NXNL2: variants seen among roughly 807,000 people sequenced by gnomAD.
NXNL2 encodes nucleoredoxin like 2, also known as nucleoredoxin-like protein 2.
A neutral mutation model predicts 11.1 loss-of-function variants in NXNL2; 7 were observed. That is an observed-to-expected ratio of 0.63 (90% CI 0.36 to 1.18). The LOEUF (loss-of-function observed/expected upper bound fraction) is 1.18, where lower values mean the gene tolerates loss of function less well. NXNL2 is among the 50% of genes most tolerant of loss of function. NXNL2 has a pLI of 0.02. For missense variants in NXNL2, 233 were observed against 217.7 expected, an observed-to-expected ratio of 1.07 and a Z score of -0.44; for synonymous variants, 109 against 101.8, an observed-to-expected ratio of 1.07 and a Z score of -0.42.
At chr9:88,559,788 G>A (rs543921246) in intron 1 of NXNL2, among the ~76,000 whole-genome samples, 4 of 152,116 alleles carry the variant, frequency 2.6e-5, no homozygotes, top group East Asian at 1.9e-4. Flanking sequence ...GAGTGTGTGT[G>A]TCCATCTTTC....
At chr9:88,557,582 G>T (rs1343387961) in intron 1 of NXNL2, among the ~76,000 whole-genome samples, 2 of 152,208 alleles carry the variant, frequency 1.3e-5, no homozygotes, top group African/African-American at 4.8e-5. Context: ...TTCAGGTGGA[G>T]TGGAGCCACC....
At chr9:88,537,720 G>A (rs1829659580) in intron 1 of NXNL2, among the ~76,000 whole-genome samples, 1 of 152,158 alleles carries the variant, frequency 6.6e-6, no homozygotes, top group Admixed American at 6.5e-5. Context: ...AACTCTCCGG[G>A]GGTTTCCTGA....
chr9:88,565,982 G>C (rs1037618160), intron 1 of NXNL2, among the ~76,000 whole-genome samples: 6 of 152,136 alleles, frequency 3.9e-5, no homozygotes, highest in African/African-American at 1.4e-4. Context: ...TATGTTTTTG[G>C]AGAAGTGCCT....
chr9:88,556,007 G>A (rs1407975869), intron 1 of NXNL2, among the ~76,000 whole-genome samples: 1 of 152,180 alleles, frequency 6.6e-6, no homozygotes, highest in Non-Finnish European at 1.5e-5. Flanking sequence ...TTCCACCTTG[G>A]GTGCTGGCAT....
At chr9:88,552,377 T>G (rs1398198897) in intron 1 of NXNL2, among the ~76,000 whole-genome samples, 2 of 152,222 alleles carry the variant, frequency 1.3e-5, no homozygotes, top group Non-Finnish European at 2.9e-5. Flanking sequence ...ATTTTATGTT[T>G]GTAATTTTAC....
At chr9:88,537,915 T>G (rs1417553045) in intron 1 of NXNL2, among the ~76,000 whole-genome samples, 1 of 151,930 alleles carries the variant, frequency 6.6e-6, no homozygotes, top group Non-Finnish European at 1.5e-5. Flanking sequence ...AACCCAGAAG[T>G]GTGGTTTATG....
At chr9:88,567,783 T>C (rs1236765784) in intron 1 of NXNL2, among the ~76,000 whole-genome samples, 3 of 152,204 alleles carry the variant, frequency 2.0e-5, no homozygotes, top group Non-Finnish European at 4.4e-5. Context: ...ACTTAAGTAC[T>C]TGGGCCTTTC....
chr9:88,540,201 G>A (rs913442165), intron 1 of NXNL2, among the ~76,000 whole-genome samples: 1 of 151,914 alleles, frequency 6.6e-6, no homozygotes, highest in Non-Finnish European at 1.5e-5. Context: ...GCATGGTGGC[G>A]GGCGCCTGTG....
chr9:88,581,550 G>A (rs1417537787), intron 1 of NXNL2, among the ~76,000 whole-genome samples: 2 of 152,050 alleles, frequency 1.3e-5, no homozygotes, highest in African/African-American at 4.8e-5. Context: ...CGATTCTCCC[G>A]CCTCAGCCGC....
chr9:88,544,749 TA>T lies in NXNL2; in HGVS notation c.*203del. On this transcript the variant is annotated 3_prime_UTR_variant, in exon 2 of 2. Transcript: ENST00000375854. Reference sequence around the variant, plus strand: ...TTTTGATCATGCAGGCTGTTTGTATTATAGTTATTTTTGTTATTCTTTGCAT... The same window carrying T: ...TTTTGATCATGCAGGCTGTTTGTATTTAGTTATTTTTGTTATTCTTTGCAT... 7.5e-7 allele frequency: 1 copy of T among 1,335,176 alleles called. No homozygotes were observed. Among genetic ancestry groups the T allele is most frequent in the Non-Finnish European group, 9.5e-7 (1 of 1,048,476 alleles). The allele number at this position is 1,335,176 out of a possible 1,614,324, so 82.7% of individuals were successfully genotyped here.
chr9:88,537,859 C>T (rs868587292), intron 1 of NXNL2, among the ~76,000 whole-genome samples: 2 of 152,186 alleles, frequency 1.3e-5, no homozygotes, highest in African/African-American at 2.4e-5. Flanking sequence ...TGGCCACAGC[C>T]TGCTCCTGGC....
At chr9:88,537,711 A>G (rs998394684) in intron 1 of NXNL2, among the ~76,000 whole-genome samples, 3 of 151,896 alleles carry the variant, frequency 2.0e-5, no homozygotes, top group African/African-American at 7.3e-5. Flanking sequence ...CCTTGCTCCA[A>G]CTCTCCGGGG....
chr9:88,568,178 ACTAT>A (rs1830206159), intron 1 of NXNL2, among the ~76,000 whole-genome samples: 1 of 152,244 alleles, frequency 6.6e-6, no homozygotes, highest in Non-Finnish European at 1.5e-5. Flanking sequence ...GGCACATGCA[ACTAT>A]CTGAGCACAA....
At chr9:88,542,254 C>A (rs1253563361) in intron 1 of NXNL2, among the ~76,000 whole-genome samples, 5 of 151,466 alleles carry the variant, frequency 3.3e-5, no homozygotes, top group Non-Finnish European at 7.4e-5. Context: ...AAACAAAAAA[C>A]AAAAAACAAA....
chr9:88,569,274 GC>G (rs1478644726), intron 1 of NXNL2, among the ~76,000 whole-genome samples: 1 of 152,196 alleles, frequency 6.6e-6, no homozygotes, highest in African/African-American at 2.4e-5. Flanking sequence ...AGTCTGCATG[GC>G]TTGTAACTTT....
At chr9:88,575,160 C>T (rs138826887) in exon 3 of NXNL2, 80 of 985,254 alleles carry the variant, frequency 8.1e-5, no homozygotes, top group Non-Finnish European at 9.3e-5. Flanking sequence ...CTGTTCTCCC[C>T]CCGCACCATC....
chr9:88,542,652 G>A (rs1759713097), intron 1 of NXNL2, among the ~76,000 whole-genome samples: 1 of 152,156 alleles, frequency 6.6e-6, no homozygotes, highest in South Asian at 2.1e-4. Context: ...TGATCTATAT[G>A]TTATTGACCA....
At chr9:88,537,664 T>G (rs1465635297) in intron 1 of NXNL2, among the ~76,000 whole-genome samples, 1 of 152,228 alleles carries the variant, frequency 6.6e-6, no homozygotes, top group Non-Finnish European at 1.5e-5. Flanking sequence ...CCCATCTGAT[T>G]GGCTCTTGGT....
intron 1 of NXNL2, among the ~76,000 whole-genome samples, chr9:88,553,370 A>C (rs1376561632): frequency 6.6e-6 from 1 of 151,996 alleles, no homozygotes; most frequent in African/African-American, 2.4e-5. Flanking sequence ...CAACAACAAC[A>C]ACAACAACAA....
Sources: gnomAD v4.1 joint callset for allele counts (sites outside exome capture counted in the v4.1 genomes callset) on GRCh38, gnomAD v4.1.1 for gene constraint, MANE v1.5 for transcripts, NCBI Gene and HGNC (gene_info 2026-07-23, HGNC 2026-07-21) for gene names.